The following ANAPC4 variants were observed in gnomAD, a reference collection of about 807,000 sequenced individuals.
ANAPC4 encodes anaphase-promoting complex subunit 4.
ANAPC4 carries 63 observed loss-of-function variants against 119.8 expected under a neutral mutation model. The ratio of observed to expected loss-of-function variants is 0.53; its 90% CI spans 0.43 to 0.65. ANAPC4 has a LOEUF of 0.65. Among genes scored for constraint, ANAPC4 ranks in the 30% least tolerant of loss-of-function variants. The pLI is 0.00. For missense variants in ANAPC4, 716 were observed against 945.1 expected (o/e 0.76, Z 3.18); for synonymous variants, 283 against 318.6 (o/e 0.89, Z 1.19).
chr4:25,416,266 T>C lies in ANAPC4; in HGVS notation c.1902-159T>C, dbSNP rs184470707. On this transcript the variant is annotated intron_variant, in intron 26 of 28. Transcript: ENST00000315368. ...GTGAATAATCAGTACAAAAAGTAAC[T>C]GATTTTAATACAAACCAATGATATA... 16 of 455,422 alleles carry C rather than the reference T, an allele frequency of 3.5e-5. No individual in the cohort carries two copies. In the East Asian group the frequency reaches 4.0e-4, roughly 11 times the overall value. 28.2% of individuals were successfully genotyped at this position (455,422 alleles called of 1,614,324 possible). A position where few individuals can be genotyped will look rare whatever the true frequency, so the allele number is the denominator to read the frequency against.
At position 25,418,177 on chromosome 4, in the gene ANAPC4, T is replaced by C; in HGVS notation, c.2222T>C (p.Val741Ala). Residue 741 changes from valine to alanine, a missense_variant, in exon 29 of 29, where the codon GTG becomes GCG. Val to Ala is a moderately conservative substitution (Grantham distance 64). Transcript: ENST00000315368. The stretch of plus-strand genomic sequence containing the variant: ...TAGTTAAGCTCAAATCTTCGTCATG[T>C]GAGAGTATTTGAAATGGACATAGAT... ...SCVLSSNLRH[V>A]RVFEMDIDDE... 6.2e-7 allele frequency: 1 copy of C among 1,613,616 alleles called. No individual in the cohort carries two copies. The highest frequency in any genetic ancestry group is 8.5e-7 in the Non-Finnish European group (1 of 1,179,676).
At chr4:25,408,222 G>A (rs2109139192) in intron 20 of ANAPC4, among the ~76,000 whole-genome samples, 1 of 152,332 alleles carries the variant, frequency 6.6e-6, no homozygotes, top group South Asian at 2.1e-4. Flanking sequence ...TATATCAAAT[G>A]TGGACAAGTG....
At chr4:25,395,846 G>T (rs1429343901) in intron 14 of ANAPC4, among the ~76,000 whole-genome samples, 1 of 152,172 alleles carries the variant, frequency 6.6e-6, no homozygotes, top group Non-Finnish European at 1.5e-5. Context: ...CTCTGGACTA[G>T]TTGGGCTCTT....
At position 25,409,699 on chromosome 4, in the gene ANAPC4, A is replaced by G. The variant is rs939008810; in HGVS notation, c.1433A>G (p.Tyr478Cys). 6.2e-7 allele frequency: 1 copy of G among 1,602,500 alleles called. No homozygotes were observed. Among genetic ancestry groups the G allele is most frequent in the Non-Finnish European group, 8.5e-7 (1 of 1,170,568 alleles). Residue 478 changes from tyrosine (Y) to cysteine (C), a missense_variant and splice_region_variant, in exon 21 of 29, where the codon TAC becomes TGC. Tyr to Cys is a radical substitution (Grantham distance 194, BLOSUM62 -2). This residue lies in a region of ANAPC4 where 504 missense variants were observed against 615.8 expected (regional missense o/e 0.82). Coordinates refer to ENST00000315368, the MANE Select transcript of ANAPC4 (RefSeq NM_013367.3). The stretch of plus-strand genomic sequence containing the variant: ...AAATTTCTAATTCTGTATTTCTAGT[A>G]CTTGAAAGATGAAGATGATGATCTT... ...KYFNVERVGQ[Y>C]LKDEDDDLVS...
chr4:25,413,603 A>T, intron 21 of ANAPC4, 42 bp from the exon 22 acceptor site: 1 of 1,476,154 alleles, frequency 6.8e-7, no homozygotes, highest in South Asian at 1.2e-5. Context: ...TAAGTTTGCT[A>T]TAGCTTCTTT....
intron 4 of ANAPC4, among the ~76,000 whole-genome samples, chr4:25,384,595 A>G (rs1721926420): frequency 6.6e-6 from 1 of 152,188 alleles, no homozygotes; most frequent in Non-Finnish European, 1.5e-5. Context: ...TGGGAGGCCA[A>G]GGTAGGCAGG....
At chr4:25,411,244 A>G (rs1432540414) in intron 21 of ANAPC4, among the ~76,000 whole-genome samples, 3 of 152,184 alleles carry the variant, frequency 2.0e-5, no homozygotes, top group African/African-American at 7.2e-5. Context: ...GGATGTCTGG[A>G]GAGGGTCAGT....
At position 25,394,182 on chromosome 4, in the gene ANAPC4, A is replaced by G. The variant is rs1180059027; in HGVS notation, c.877-128A>G. The G allele has an allele frequency of 1.1e-5, 9 of 799,316 alleles. 1 individual carries two copies. The South Asian group carries it at 1.6e-4, about 14-fold the overall frequency. 49.5% of individuals were successfully genotyped at this position (799,316 alleles called of 1,614,324 possible). On this transcript the variant is annotated intron_variant, in intron 11 of 28. Transcript: ENST00000315368. ...CTATCTTCTAGTCACTGATGTTCAG[A>G]TGATCACTTTATGGATTTGATGGAA...
chr4:25,397,994 G>C (rs1015007112), intron 16 of ANAPC4, among the ~76,000 whole-genome samples: 2 of 151,932 alleles, frequency 1.3e-5, no homozygotes, highest in Non-Finnish European at 2.9e-5. Flanking sequence ...TTGAGCTCCT[G>C]GGCTCAAGTG....
intron 18 of ANAPC4, 44 bp from the exon 19 acceptor site, chr4:25,406,785 C>A (rs1433649515): frequency 1.4e-6 from 2 of 1,419,742 alleles, no homozygotes; most frequent in Admixed American, 1.9e-5. Context: ...TATTGAGCAG[C>A]TTTCTTTTAT....
intron 3 of ANAPC4, among the ~76,000 whole-genome samples, chr4:25,382,092 C>T (rs1721763580): frequency 6.8e-6 from 1 of 147,906 alleles, no homozygotes; most frequent in African/African-American, 2.5e-5. Flanking sequence ...TTGGTGCATA[C>T]CATTTTGTTG....
chr4:25,413,003 A>T (rs1332718015), intron 21 of ANAPC4: 2 of 152,142 alleles, frequency 1.3e-5, no homozygotes. Context: ...GGTTTGATTG[A>T]CAGAACTAGA....
At chr4:25,416,135 C>A in intron 26 of ANAPC4, 1 of 231,056 alleles carries the variant, frequency 4.3e-6, no homozygotes. Context: ...AGAATTTCCA[C>A]AGGCTTAAGG....
intron 24 of ANAPC4, 33 bp downstream of exon 24, chr4:25,414,537 A>C (rs1015338704): frequency 6.3e-7 from 1 of 1,584,098 alleles, no homozygotes; most frequent in Non-Finnish European, 8.6e-7. Context: ...TCTTGAGTGA[A>C]CAATACAATT....
chr4:25,388,400 G>A, intron 4 of ANAPC4, 100 bp from the exon 5 acceptor site: 2 of 777,742 alleles, frequency 2.6e-6, no homozygotes, highest in Non-Finnish European at 4.4e-6. Flanking sequence ...ACTTGATAAT[G>A]TTGTAAAACT....
At chr4:25,392,283 G>T in intron 9 of ANAPC4, 55 bp from the exon 10 acceptor site, 1 of 1,249,106 alleles carries the variant, frequency 8.0e-7, no homozygotes, top group South Asian at 1.2e-5. Context: ...CTAAATTACA[G>T]ACTTTGCAGC....
At position 25,405,582 on chromosome 4, in the gene ANAPC4, G is replaced by C. The variant is rs1362960440; in HGVS notation, c.1280G>C (p.Arg427Thr). Residue 427 changes from arginine to threonine, a missense_variant, in exon 18 of 29, where the codon AGA (arginine) becomes ACA (threonine). Transcript: ENST00000315368. This position sits in a 1 kb window ranked among gnomAD's most constrained non-coding sequence, Gnocchi z 4.6. ...AACTTTGTATTTCCAGCAATGTTGA[G>C]AATGACAGAAGACCATGTGCTTCCC... Reference protein sequence around the residue: ...FFRWLYVAMLRMTEDHVLPEL... With the variant: ...FFRWLYVAMLTMTEDHVLPEL... 6.2e-7 allele frequency: 1 copy of C among 1,613,412 alleles called. No homozygotes were observed. Among genetic ancestry groups the C allele is most frequent in the Non-Finnish European group, 8.5e-7 (1 of 1,179,614 alleles).
At chr4:25,383,159 G>A in intron 3 of ANAPC4, 102 bp from the exon 4 acceptor site, 2 of 1,125,848 alleles carry the variant, frequency 1.8e-6, no homozygotes, top group Non-Finnish European at 2.4e-6. Context: ...TTGCCATGAT[G>A]AAGATGCACT....
At chr4:25,395,650 G>T (rs889004310) in intron 14 of ANAPC4, among the ~76,000 whole-genome samples, 1 of 151,996 alleles carries the variant, frequency 6.6e-6, no homozygotes, top group South Asian at 2.1e-4. Flanking sequence ...GGGTTTCACC[G>T]TGTTGGCCAG....
Sources: gnomAD v4.1 joint callset for allele counts (sites outside exome capture counted in the v4.1 genomes callset) on GRCh38, gnomAD v4.1.1 for gene constraint, gnomAD v4.1.1 regional missense constraint, Gnocchi (gnomAD v3.1) non-coding constraint, MANE v1.5 for transcripts, NCBI Gene and HGNC (gene_info 2026-07-23, HGNC 2026-07-21) for gene names.